Variants in DOCK9 observed in about 807,000 individuals in gnomAD.
DOCK9 encodes dedicator of cytokinesis 9.
In DOCK9, 89 loss-of-function variants were observed where a neutral mutation model predicts 263.3. The observed-to-expected ratio is 0.34, with a 90% CI of 0.28 to 0.40. The LOEUF (loss-of-function observed/expected upper bound fraction) is 0.40. Among genes scored for constraint, DOCK9 ranks in the 10% least tolerant of loss-of-function variants. The pLI, the probability that DOCK9 is intolerant of heterozygous loss-of-function variation, is 1.00. For missense variants in DOCK9, 2,140 were observed against 2,603.4 expected, an observed-to-expected ratio of 0.82 and a Z score of 3.87; for synonymous variants, 976 against 973.1, an observed-to-expected ratio of 1.00 and a Z score of -0.06.
intron 32 of DOCK9, among the ~76,000 whole-genome samples, chr13:98,862,426 C>T (rs56186867): frequency 0.47 from 71,053 of 151,928 alleles, 16,971 homozygotes; most frequent in Middle Eastern, 0.6. Flanking sequence ...CGGTGGCTCA[C>T]GTCTGTAATC....
chr13:99,073,274 G>A (rs904540314), intron 1 of DOCK9, among the ~76,000 whole-genome samples: 2 of 152,042 alleles, frequency 1.3e-5, no homozygotes, highest in African/African-American at 4.8e-5. Context: ...CAGGCTCAGA[G>A]AGTCAGCTAA....
intron 8 of DOCK9, among the ~76,000 whole-genome samples, chr13:98,914,854 C>G (rs1448194732): frequency 1.3e-5 from 2 of 152,178 alleles, no homozygotes; most frequent in African/African-American, 4.8e-5. Flanking sequence ...CCAGATTTTT[C>G]TCACCAATTT....
chr13:98,994,276 T>A (rs1007504062), intron 1 of DOCK9, among the ~76,000 whole-genome samples: 16 of 152,216 alleles, frequency 1.1e-4, no homozygotes, highest in African/African-American at 3.9e-4. Flanking sequence ...GCATCAGGTA[T>A]TCTAATCTAG....
At chr13:98,800,618 A>G (rs1362416812) in intron 49 of DOCK9, 140 bp from the exon 50 acceptor site, 2 of 969,940 alleles carry the variant, frequency 2.1e-6, no homozygotes, top group East Asian at 2.7e-5. Flanking sequence ...CTTGCCAAAG[A>G]CACATACTAG....
chr13:99,051,253 C>G (rs189796284), intron 1 of DOCK9, among the ~76,000 whole-genome samples: 1 of 152,290 alleles, frequency 6.6e-6, no homozygotes, highest in Admixed American at 6.5e-5. Flanking sequence ...ACACTGTGAG[C>G]TCTTCAGGCT....
At chr13:98,879,603 G>A (rs1221411051) in intron 27 of DOCK9, among the ~76,000 whole-genome samples, 1 of 152,122 alleles carries the variant, frequency 6.6e-6, no homozygotes, top group African/African-American at 2.4e-5. Flanking sequence ...AGTGATTCAG[G>A]AATACAACCT....
chr13:99,070,380 ATG>A (rs2041616711), intron 1 of DOCK9, among the ~76,000 whole-genome samples: 1 of 152,162 alleles, frequency 6.6e-6, no homozygotes, highest in Non-Finnish European at 1.5e-5. Flanking sequence ...CTATCTTTTC[ATG>A]TGTTTCCTTC....
At chr13:99,074,526 G>A (rs897819393) in intron 1 of DOCK9, among the ~76,000 whole-genome samples, 1 of 152,166 alleles carries the variant, frequency 6.6e-6, no homozygotes, top group Admixed American at 6.6e-5. Flanking sequence ...TGAGACTTCG[G>A]GTCGCCCCAC....
At chr13:98,890,119 C>T (rs1034481497) in intron 15 of DOCK9, among the ~76,000 whole-genome samples, 1 of 152,130 alleles carries the variant, frequency 6.6e-6, no homozygotes, top group African/African-American at 2.4e-5. Context: ...CAAAGTCCTC[C>T]TAGATCCAGA....
chr13:99,039,712 G>A (rs374392529), intron 1 of DOCK9, among the ~76,000 whole-genome samples: 16 of 152,316 alleles, frequency 1.1e-4, no homozygotes, highest in African/African-American at 3.8e-4. Flanking sequence ...AACAGAATGA[G>A]TGTTTCCCTT....
chr13:98,977,812 A>T lies in DOCK9; in HGVS notation c.98T>A (p.Val33Glu), dbSNP rs1191032929. 2.5e-6 allele frequency: 4 copies of T among 1,611,250 alleles called. No homozygotes were observed. Among genetic ancestry groups the T allele is most frequent in the Admixed American group, 1.7e-5 (1 of 59,740 alleles). Residue 33 changes from valine to glutamate, a missense_variant, in exon 1 of 53, where the codon GTG (valine) becomes GAG (glutamate). Val to Glu is a moderately radical substitution (Grantham distance 121). Transcript: ENST00000682017. ...CACAGGGCCCGGGCTCTCTGCTTCCACTTCGCCCTGAGCTGCATCCTTGTA... is the reference window on the plus strand; with the variant it reads ...CACAGGGCCCGGGCTCTCTGCTTCCTCTTCGCCCTGAGCTGCATCCTTGTA... ...LQYKDAAQGE[V>E]EAESPGPVPA...
rs79078825 is a variant in DOCK9, at chr13:98,844,980, T to C, written c.4198+944A>G. Among the ~76,000 whole-genome samples, 104 of 152,356 alleles carry C rather than the reference T, an allele frequency of 6.8e-4. 1 individual carries two copies. In the East Asian group the frequency reaches 0.018, roughly 26 times the overall value. ...GATAAAACAATAACTAGCTGTGTCA[T>C]GCTTGGAGAAGAGATGGAACAATTT... On this transcript the variant is annotated intron_variant, in intron 38 of 52. Coordinates refer to ENST00000682017, the MANE Select transcript of DOCK9 (RefSeq NM_001366683.2).
At chr13:99,047,441 C>A (rs1169117442) in intron 1 of DOCK9, among the ~76,000 whole-genome samples, 1 of 151,058 alleles carries the variant, frequency 6.6e-6, no homozygotes, top group Non-Finnish European at 1.5e-5. Context: ...TTCTTAGTCT[C>A]ATTTATTTTC....
At chr13:98,905,171 A>G (rs190248316) in intron 9 of DOCK9, among the ~76,000 whole-genome samples, 1 of 152,318 alleles carries the variant, frequency 6.6e-6, no homozygotes. Flanking sequence ...AAGAAGGGGA[A>G]GAGGAAGGAA....
At chr13:99,006,749 A>G (rs1322656199) in intron 1 of DOCK9, among the ~76,000 whole-genome samples, 2 of 152,190 alleles carry the variant, frequency 1.3e-5, no homozygotes, top group Non-Finnish European at 2.9e-5. Flanking sequence ...AATTTTCTAC[A>G]GTACTTATGT....
At chr13:99,019,139 C>T (rs1422260335) in intron 1 of DOCK9, among the ~76,000 whole-genome samples, 1 of 152,072 alleles carries the variant, frequency 6.6e-6, no homozygotes, top group Non-Finnish European at 1.5e-5. Flanking sequence ...CACCAAAGAC[C>T]CCATATTGTA....
intron 47 of DOCK9, chr13:98,808,734 A>T: frequency 9.3e-7 from 1 of 1,073,860 alleles, no homozygotes; most frequent in Non-Finnish European, 1.4e-6. Flanking sequence ...TGCTCATAGA[A>T]AACCACACGC....
intron 1 of DOCK9, among the ~76,000 whole-genome samples, chr13:98,999,288 G>GCACACA (rs1412789503): frequency 1.7e-4 from 24 of 137,662 alleles, no homozygotes; most frequent in South Asian, 5.4e-4. Context: ...ACGCATGCAC[G>GCACACA]CGCACACACA....
intron 27 of DOCK9, among the ~76,000 whole-genome samples, chr13:98,875,946 G>A (rs1218636241): frequency 6.6e-6 from 1 of 152,194 alleles, no homozygotes; most frequent in Non-Finnish European, 1.5e-5. Context: ...CAGCAGGAGT[G>A]CAGCACTGGA....
Sources: gnomAD v4.1 joint callset for allele counts (sites outside exome capture counted in the v4.1 genomes callset) on GRCh38, gnomAD v4.1.1 for gene constraint, MANE v1.5 for transcripts, NCBI Gene and HGNC (gene_info 2026-07-23, HGNC 2026-07-21) for gene names.